COL25A1: variants seen among roughly 807,000 people sequenced by gnomAD.
COL25A1 encodes collagen type XXV alpha 1 chain.
A neutral mutation model predicts 128.4 loss-of-function variants in COL25A1; 103 were observed. That is an observed-to-expected ratio of 0.80 (90% CI 0.68 to 0.94). COL25A1 has a LOEUF of 0.94. Among genes scored for constraint, COL25A1 ranks in the 40% least tolerant of loss-of-function variants. COL25A1 has a pLI of 0.00. For missense variants in COL25A1, 745 were observed against 840.0 expected (o/e 0.89, Z 1.40); for synonymous variants, 279 against 277.2 (o/e 1.01, Z -0.06).
chr4:109,297,651 C>A (rs779924283), intron 3 of COL25A1, among the ~76,000 whole-genome samples: 1 of 151,948 alleles, frequency 6.6e-6, no homozygotes, highest in African/African-American at 2.4e-5. Context: ...CATTAATTAG[C>A]CACTGGGTTT....
chr4:108,996,289 G>GAAAAAA (rs1237222386), intron 6 of COL25A1, among the ~76,000 whole-genome samples: 1 of 13,668 alleles, frequency 7.3e-5, no homozygotes, highest in Non-Finnish European at 3.2e-4. Flanking sequence ...AAGCAAATGG[G>GAAAAAA]AAAAAAAAAA....
At chr4:108,937,954 C>A (rs1011958284) in intron 10 of COL25A1, 111 bp from the exon 11 acceptor site, 14 of 799,812 alleles carry the variant, frequency 1.8e-5, no homozygotes, top group Non-Finnish European at 2.4e-5. Flanking sequence ...TATATTTCTT[C>A]AGGTTAAATA....
chr4:109,123,316 A>AG (rs1553936797), intron 3 of COL25A1, among the ~76,000 whole-genome samples: 1 of 151,962 alleles, frequency 6.6e-6, no homozygotes, highest in Non-Finnish European at 1.5e-5. Context: ...TAAAAAAAAA[A>AG]CAGGTTGTTT....
intron 35 of COL25A1, among the ~76,000 whole-genome samples, chr4:108,819,642 C>T (rs1298909770): frequency 1.3e-5 from 2 of 152,098 alleles, no homozygotes; most frequent in Non-Finnish European, 2.9e-5. Context: ...TGGCCCAAGA[C>T]GAGATGTGGA....
At chr4:109,126,944 C>T (rs1450421831) in intron 3 of COL25A1, among the ~76,000 whole-genome samples, 1 of 151,918 alleles carries the variant, frequency 6.6e-6, no homozygotes, top group East Asian at 1.9e-4. Context: ...TCTCTCTTTA[C>T]TTCTTCACTT....
chr4:108,861,040 T>C, intron 22 of COL25A1, 69 bp from the exon 23 acceptor site: 1 of 1,341,442 alleles, frequency 7.5e-7, no homozygotes, highest in Non-Finnish European at 1.1e-6. Flanking sequence ...TGTAAGAACA[T>C]GTTTATGCCA....
At chr4:108,945,039 T>A (rs930292799) in intron 8 of COL25A1, among the ~76,000 whole-genome samples, 34 of 152,268 alleles carry the variant, frequency 2.2e-4, no homozygotes, top group African/African-American at 7.9e-4. Context: ...TAGGACCCTG[T>A]GCTTTTCAAA....
In COL25A1 at chr4:108,846,172, A is replaced by G. The variant is rs779672600; in HGVS notation, c.1482T>C (p.Gly494=). 6.2e-7 allele frequency: 1 copy of G among 1,612,886 alleles called. No individual in the cohort carries two copies. Among genetic ancestry groups the G allele is most frequent in the East Asian group, 2.2e-5 (1 of 44,842 alleles). ...CAGGAAGTCCAATTCCTCCTTTTTC[A>G]CCTGTCATACCTGGGTCCCCCATGT... ...KGDMGDPGMT[G]EKGGIGLPGL... is the part of the protein sequence containing the mutation. The change falls in exon 28 of 38, where the codon GGT becomes GGC. Residue 494 remains glycine, a synonymous_variant. Coordinates refer to ENST00000399132, the MANE Select transcript of COL25A1 (RefSeq NM_198721.4).
chr4:109,072,112 G>T (rs1392017894), intron 3 of COL25A1, among the ~76,000 whole-genome samples: 1 of 152,126 alleles, frequency 6.6e-6, no homozygotes, highest in African/African-American at 2.4e-5. Context: ...CAACTCCTGG[G>T]CTAAGAGGAG....
intron 30 of COL25A1, 34 bp downstream of exon 30, chr4:108,844,485 A>G (rs747633257): frequency 6.2e-7 from 1 of 1,614,018 alleles, no homozygotes; most frequent in South Asian, 1.1e-5. Flanking sequence ...GCTCATAAAT[A>G]AGCAATTACA....
intron 16 of COL25A1, 52 bp from the exon 17 acceptor site, chr4:108,889,785 A>G: frequency 6.5e-7 from 1 of 1,532,004 alleles, no homozygotes; most frequent in Non-Finnish European, 9.0e-7. Context: ...AATAGGAAAC[A>G]TCACAAGCAC....
intron 11 of COL25A1, among the ~76,000 whole-genome samples, chr4:108,929,155 G>A (rs761368588): frequency 7.9e-5 from 12 of 151,184 alleles, no homozygotes; most frequent in South Asian, 2.1e-4. Flanking sequence ...ACCAAGTCTC[G>A]CTCTGTCACC....
intron 3 of COL25A1, among the ~76,000 whole-genome samples, chr4:109,176,095 A>G (rs978166903): frequency 6.6e-6 from 1 of 152,200 alleles, no homozygotes; most frequent in African/African-American, 2.4e-5. Flanking sequence ...TACAAAGATA[A>G]ACTATACAAT....
intron 3 of COL25A1, among the ~76,000 whole-genome samples, chr4:109,176,468 T>G (rs17040048): frequency 0.019 from 2,913 of 152,186 alleles, 88 homozygotes; most frequent in South Asian, 0.14. Flanking sequence ...GATAATTGAT[T>G]ATTCTCCCAA....
At chr4:109,177,275 G>A (rs947162608) in intron 3 of COL25A1, among the ~76,000 whole-genome samples, 2 of 152,154 alleles carry the variant, frequency 1.3e-5, no homozygotes, top group African/African-American at 4.8e-5. Flanking sequence ...TTCATTGTCT[G>A]TAGAGTGAGG....
In COL25A1 at chr4:109,187,090, A is replaced by G. The variant is rs182135222; in HGVS notation, c.367+113493T>C. On this transcript the variant is annotated intron_variant, in intron 3 of 37. Transcript: ENST00000399132. ...AAATGATTTAAATTATTTTCAAAAT[A>G]TTAATACTTGAAAGAAGGGAGAATC... Among the ~76,000 whole-genome samples the G allele has an allele frequency of 2.8e-3, 429 of 152,316 alleles. 3 individuals are homozygous for G. The highest frequency in any genetic ancestry group is 4.4e-3 in the Non-Finnish European group (297 of 68,036).
At chr4:108,929,802 G>A (rs1301790439) in intron 11 of COL25A1, among the ~76,000 whole-genome samples, 1 of 152,088 alleles carries the variant, frequency 6.6e-6, no homozygotes, top group African/African-American at 2.4e-5. Flanking sequence ...CTGCAGGCCA[G>A]GTGACAGAGC....
chr4:109,187,560 A>G (rs1775254683), intron 3 of COL25A1, among the ~76,000 whole-genome samples: 1 of 152,238 alleles, frequency 6.6e-6, no homozygotes, highest in African/African-American at 2.4e-5. Flanking sequence ...CTGGTACATT[A>G]TAAAAGCTAC....
At chr4:109,191,239 T>C (rs1202947983) in intron 3 of COL25A1, among the ~76,000 whole-genome samples, 1 of 152,184 alleles carries the variant, frequency 6.6e-6, no homozygotes, top group Non-Finnish European at 1.5e-5. Context: ...TGAAATAAAT[T>C]ATGTATTTGC....
Sources: gnomAD v4.1 joint callset for allele counts (sites outside exome capture counted in the v4.1 genomes callset) on GRCh38, gnomAD v4.1.1 for gene constraint, MANE v1.5 for transcripts, NCBI Gene and HGNC (gene_info 2026-07-23, HGNC 2026-07-21) for gene names.